The following PPP2R2B variants were observed in gnomAD, a reference collection of about 807,000 sequenced individuals.
The protein encoded by PPP2R2B is serine/threonine-protein phosphatase 2A 55 kDa regulatory subunit B beta isoform.
PPP2R2B carries 5 observed loss-of-function variants against 46.0 expected under a neutral mutation model. That is an observed-to-expected ratio of 0.11 (90% CI 0.06 to 0.23). The LOEUF (loss-of-function observed/expected upper bound fraction) is 0.23. Ranked by LOEUF, PPP2R2B falls within the 10% of genes least tolerant of loss-of-function variation. The probability of loss-of-function intolerance (pLI) is 1.00; values close to 1 mark genes in which losing one functional copy is unlikely to be tolerated. For missense variants in PPP2R2B, 367 were observed against 575.0 expected (o/e 0.64, Z 3.70); for synonymous variants, 215 against 206.7 (o/e 1.04, Z -0.34).
chr5:147,053,434 A>G (rs1266933379), intron 1 of PPP2R2B, among the ~76,000 whole-genome samples: 1 of 152,052 alleles, frequency 6.6e-6, no homozygotes, highest in Non-Finnish European at 1.5e-5. Flanking sequence ...TTTCACAGAG[A>G]TATTCACACA....
intron 2 of PPP2R2B, among the ~76,000 whole-genome samples, chr5:146,784,534 C>T (rs1019272729): frequency 5.9e-5 from 9 of 152,178 alleles, no homozygotes; most frequent in East Asian, 3.9e-4. Flanking sequence ...CATACCTTCT[C>T]GTAATAGTAA....
At chr5:147,030,559 G>C (rs1333043254) in intron 1 of PPP2R2B, among the ~76,000 whole-genome samples, 3 of 151,744 alleles carry the variant, frequency 2.0e-5, no homozygotes, top group Non-Finnish European at 4.4e-5. Context: ...AGGTTTATTT[G>C]TTTTATTTTG....
At chr5:146,900,935 A>G (rs1313237066) in intron 1 of PPP2R2B, among the ~76,000 whole-genome samples, 2 of 152,048 alleles carry the variant, frequency 1.3e-5, no homozygotes, top group African/African-American at 4.8e-5. Flanking sequence ...TTCCAGCTCC[A>G]TCCATCCCCC....
chr5:146,957,095 C>T (rs143355615), intron 1 of PPP2R2B, among the ~76,000 whole-genome samples: 16 of 152,328 alleles, frequency 1.1e-4, no homozygotes, highest in African/African-American at 3.4e-4. Context: ...AGACATGAAT[C>T]ACCAAGTCTT....
At chr5:146,857,144 G>A (rs1045806792) in intron 2 of PPP2R2B, among the ~76,000 whole-genome samples, 2 of 152,072 alleles carry the variant, frequency 1.3e-5, no homozygotes, top group African/African-American at 4.8e-5. Flanking sequence ...AGGAGCAGTG[G>A]GTGAAAGAGA....
At chr5:146,822,399 C>T (rs1458298284) in intron 2 of PPP2R2B, among the ~76,000 whole-genome samples, 1 of 152,176 alleles carries the variant, frequency 6.6e-6, no homozygotes, top group African/African-American at 2.4e-5. Context: ...CCACTGTTGT[C>T]TGTTTCAGTC....
chr5:146,826,176 G>C (rs1758568449), intron 2 of PPP2R2B, among the ~76,000 whole-genome samples: 1 of 152,070 alleles, frequency 6.6e-6, no homozygotes, highest in South Asian at 2.1e-4. Flanking sequence ...GATTTAATCT[G>C]AACACATTCT....
At chr5:146,879,546 A>C (rs1387103715), upstream of PPP2R2B, among the ~76,000 whole-genome samples, 1 of 152,202 alleles carries the variant, frequency 6.6e-6, no homozygotes, top group East Asian at 1.9e-4. Flanking sequence ...AAACATAAGC[A>C]TAAGAGCCCT....
At chr5:146,624,950 A>G (rs150233233) in intron 7 of PPP2R2B, among the ~76,000 whole-genome samples, 2 of 152,326 alleles carry the variant, frequency 1.3e-5, no homozygotes, top group African/African-American at 4.8e-5. Context: ...CATTTTCACT[A>G]AATCTCAATC....
At chr5:146,971,991 T>C (rs1752683585) in intron 1 of PPP2R2B, among the ~76,000 whole-genome samples, 1 of 152,168 alleles carries the variant, frequency 6.6e-6, no homozygotes, top group African/African-American at 2.4e-5. Context: ...TTTATTTGGA[T>C]TTTAACAGTT....
chr5:147,050,509 C>T (rs1756756870), intron 1 of PPP2R2B, among the ~76,000 whole-genome samples: 2 of 151,980 alleles, frequency 1.3e-5, no homozygotes, highest in African/African-American at 4.8e-5. Context: ...AGTAATGAAC[C>T]CATTCTTAGC....
chr5:146,829,247 T>C (rs1036591711), intron 2 of PPP2R2B, among the ~76,000 whole-genome samples: 2 of 152,180 alleles, frequency 1.3e-5, no homozygotes, highest in African/African-American at 4.8e-5. Context: ...TATAATATCC[T>C]GCTAAGTAAA....
At chr5:146,929,086 C>T (rs1763882640) in intron 1 of PPP2R2B, among the ~76,000 whole-genome samples, 3 of 152,190 alleles carry the variant, frequency 2.0e-5, no homozygotes, top group Admixed American at 2.0e-4. Flanking sequence ...GACGCCCACC[C>T]TGTATTTATA....
chr5:147,025,139 G>T lies in PPP2R2B; in HGVS notation c.79+30526C>A, dbSNP rs1439156797. Among the ~76,000 whole-genome samples, 36 of 151,972 alleles carry T rather than the reference G, an allele frequency of 2.4e-4. 1 individual carries two copies. On this transcript the variant is annotated intron_variant, in intron 1 of 8. Coordinates refer to the PPP2R2B transcript ENST00000336640. ...TACAGACTTTAAGAAGAAAATAAGTGGGTATTATCAACCATTTTATGCTAA... is the reference window on the plus strand; with the variant it reads ...TACAGACTTTAAGAAGAAAATAAGTTGGTATTATCAACCATTTTATGCTAA...
chr5:146,694,620 T>C (rs1345000175), intron 4 of PPP2R2B, among the ~76,000 whole-genome samples: 2 of 152,202 alleles, frequency 1.3e-5, no homozygotes, highest in African/African-American at 4.8e-5. Context: ...ACTTTTTCTA[T>C]GTACTTTGGG....
upstream of PPP2R2B, among the ~76,000 whole-genome samples, chr5:147,057,676 T>C (rs1308879895): frequency 1.3e-5 from 2 of 152,302 alleles, no homozygotes; most frequent in African/African-American, 2.4e-5. Context: ...AAACTACCAA[T>C]GTTGCTGCTG....
At chr5:146,970,727 C>T (rs527542247) in intron 1 of PPP2R2B, among the ~76,000 whole-genome samples, 5 of 152,206 alleles carry the variant, frequency 3.3e-5, no homozygotes, top group Non-Finnish European at 5.9e-5. Flanking sequence ...GAGGAACTTG[C>T]GGCTCATAAG....
chr5:146,675,519 T>G (rs1777653590), intron 5 of PPP2R2B, among the ~76,000 whole-genome samples: 1 of 152,186 alleles, frequency 6.6e-6, no homozygotes, highest in Non-Finnish European at 1.5e-5. Flanking sequence ...CCATGATTGT[T>G]ATGGCAATTA....
intron 1 of PPP2R2B, among the ~76,000 whole-genome samples, chr5:146,948,434 A>G (rs1031236371): frequency 6.6e-6 from 1 of 152,120 alleles, no homozygotes. Flanking sequence ...TGTTCCTGGA[A>G]GATGGTAAAA....
Sources: allele counts gnomAD v4.1 joint callset (sites outside exome capture counted in the v4.1 genomes callset), GRCh38; gene constraint gnomAD v4.1.1; transcripts MANE v1.5; gene names NCBI Gene and HGNC (gene_info 2026-07-23, HGNC 2026-07-21).